The following WDR86 variants were observed in gnomAD, a reference collection of about 807,000 sequenced individuals.
The protein encoded by WDR86 is WD repeat domain 86.
WDR86 carries 30 observed loss-of-function variants against 36.5 expected under a neutral mutation model. The observed-to-expected ratio is 0.82, with a 90% CI of 0.61 to 1.11. The LOEUF is 1.11. Among genes scored for constraint, WDR86 ranks in the 50% most tolerant of loss-of-function variants. The pLI, the probability that WDR86 is intolerant of heterozygous loss-of-function variation, is 0.00. For missense variants in WDR86, 545 were observed against 561.2 expected (o/e 0.97, Z 0.29); for synonymous variants, 255 against 252.9 (o/e 1.01, Z -0.08).
At chr7:151,386,446 T>C (rs1472309411) in intron 3 of WDR86, among the ~76,000 whole-genome samples, 1 of 152,138 alleles carries the variant, frequency 6.6e-6, no homozygotes, top group Non-Finnish European at 1.5e-5. Context: ...CTGTGGACAG[T>C]CACCTGCCCT....
chr7:151,376,396 G>A (rs1033976658), downstream of WDR86: 15 of 530,044 alleles, frequency 2.8e-5, no homozygotes, highest in African/African-American at 1.5e-4. Context: ...CTCTCAGCCC[G>A]AGGTCACTGC....
At position 151,396,008 on chromosome 7, in the gene WDR86, A is replaced by G. The variant is rs1410622274; in HGVS notation, c.494T>C (p.Leu165Pro). Residue 165 changes from leucine to proline, a missense_variant, in exon 3 of 6, where the codon CTT becomes CCT. Physicochemically the swap from Leu to Pro is moderately conservative, Grantham distance 98. Coordinates refer to ENST00000334493, the MANE Select transcript of WDR86 (RefSeq NM_198285.3). ...GCCATCTGTGCTGCCGGTCACCAGA[A>G]GCCCCCCGGCCGCGGCCTCCTCCGC... ...PCAEEAAAGG[L>P]LVTGSTDGTA... 1.2e-6 allele frequency: 2 copies of G among 1,602,116 alleles called. No homozygotes were observed. Among genetic ancestry groups the G allele is most frequent in the Non-Finnish European group, 1.7e-6 (2 of 1,174,956 alleles).
chr7:151,385,049 G>T (rs775697397), intron 4 of WDR86, 39 bp downstream of exon 4: 1 of 1,546,316 alleles, frequency 6.5e-7, no homozygotes, highest in East Asian at 2.3e-5. Context: ...GAGAAGCCAG[G>T]CTGGGGTGGC....
rs531745202 is a variant in WDR86 at position 151,403,401 on chromosome 7, A to G, written c.164-3160T>C. ...TACTTATTACATTAAGAATTTTGAT[A>G]GAATTTTAAAATTTCATTTAGACAG... On this transcript the variant is annotated intron_variant, in intron 1 of 5. Coordinates refer to ENST00000334493, the MANE Select transcript of WDR86 (RefSeq NM_198285.3). Among the ~76,000 whole-genome samples the G allele has an allele frequency of 3.3e-5, 5 of 152,344 alleles. No individual in the cohort carries two copies. The South Asian group carries it at 1.0e-3, about 32-fold the overall frequency.
chr7:151,381,351 G>T lies in WDR86; in HGVS notation c.*231C>A. On this transcript the variant is annotated 3_prime_UTR_variant, in exon 6 of 6. Coordinates refer to ENST00000334493, the MANE Select transcript of WDR86 (RefSeq NM_198285.3). This position sits in a 1 kb window ranked among gnomAD's most constrained non-coding sequence, Gnocchi z 4.8. ...GGTCAGGGATGGGGAGGGAGGACAGGAGCCACCCTAAAAGGGAAAAGGGGG... is the reference window on the plus strand; with the variant it reads ...GGTCAGGGATGGGGAGGGAGGACAGTAGCCACCCTAAAAGGGAAAAGGGGG... 1 of 1,408,254 alleles carries T rather than the reference G, an allele frequency of 7.1e-7. No homozygotes were observed. Among genetic ancestry groups the T allele is most frequent in the Non-Finnish European group, 9.2e-7 (1 of 1,090,598 alleles). 87.2% of individuals were successfully genotyped at this position (1,408,254 alleles called of 1,614,324 possible).
At position 151,401,016 on chromosome 7, in the gene WDR86, C is replaced by G. The variant is rs896228692; in HGVS notation, c.164-775G>C. On this transcript the variant is annotated intron_variant, in intron 1 of 5. Coordinates refer to ENST00000334493, the MANE Select transcript of WDR86 (RefSeq NM_198285.3). This position sits in a 1 kb window ranked among gnomAD's most constrained non-coding sequence, Gnocchi z 4.3. ...GCCAGTGAGACATGTGACGTATGAA[C>G]AGGGATGCACAGCCACTGTGCATGA... Among the ~76,000 whole-genome samples, 13 of 152,176 alleles carry G rather than the reference C, an allele frequency of 8.5e-5. No homozygotes were observed. The highest frequency in any genetic ancestry group is 3.1e-4 in the African/African-American group (13 of 41,432).
rs191375036 is a variant in WDR86 at position 151,385,366 on chromosome 7, C to T, written c.727-143G>A. The T allele has an allele frequency of 1.2e-5, 17 of 1,403,574 alleles. No homozygotes were observed. The African/African-American group carries it at 2.0e-4, about 16-fold the overall frequency. The allele number at this position is 1,403,574 out of a possible 1,614,324, so 86.9% of individuals were successfully genotyped here. On this transcript the variant is annotated intron_variant, in intron 3 of 5. Transcript: ENST00000334493. ...CCTCGAATGGCCCCGCCACCGGCCCCACCAGACTGCCCACTTCAGCACCCA... is the reference window on the plus strand; with the variant it reads ...CCTCGAATGGCCCCGCCACCGGCCCTACCAGACTGCCCACTTCAGCACCCA...
At chr7:151,382,819 G>A (rs1290247834) in intron 4 of WDR86, among the ~76,000 whole-genome samples, 1 of 152,162 alleles carries the variant, frequency 6.6e-6, no homozygotes, top group Non-Finnish European at 1.5e-5. Flanking sequence ...AAGGGAGGGA[G>A]GAAGTCCTGT....
At chr7:151,381,013 G>A (rs751563083), downstream of WDR86, 1 of 459,272 alleles carries the variant, frequency 2.2e-6, no homozygotes, top group Non-Finnish European at 3.1e-6. The surrounding 1 kb of genome is among the most constrained non-coding windows in gnomAD (Gnocchi z 4.8). Flanking sequence ...TGCCCAGGCC[G>A]GTTGTGAGAG....
At chr7:151,375,753 G>A (rs1016666903), downstream of WDR86, 3 of 803,356 alleles carry the variant, frequency 3.7e-6, no homozygotes, top group South Asian at 1.4e-5. Flanking sequence ...AGCAGAGGAC[G>A]GCGGGGTCTG....
chr7:151,405,790 G>A lies in WDR86; in HGVS notation c.163+3637C>T, dbSNP rs546224886. Among the ~76,000 whole-genome samples, 7 of 152,264 alleles carry A rather than the reference G, an allele frequency of 4.6e-5. No individual in the cohort carries two copies. The East Asian group carries it at 1.4e-3, about 29-fold the overall frequency. On this transcript the variant is annotated intron_variant, in intron 1 of 5. Transcript: ENST00000334493. This position sits in a 1 kb window ranked among gnomAD's most constrained non-coding sequence, Gnocchi z 4.7. ...CCAGGCTTCACAGGGAGTCTCCTAT[G>A]CCACCGGCTCCCAGCAAATGGGAAT...
intron 1 of WDR86, among the ~76,000 whole-genome samples, chr7:151,407,069 G>A (rs896829569): frequency 6.6e-6 from 1 of 152,328 alleles, no homozygotes; most frequent in East Asian, 1.9e-4. Flanking sequence ...GATAAAGAAA[G>A]ATGACCTCTG....
chr7:151,386,473 T>G (rs1237054733), intron 3 of WDR86, among the ~76,000 whole-genome samples: 1 of 152,118 alleles, frequency 6.6e-6, no homozygotes, highest in Non-Finnish European at 1.5e-5. Flanking sequence ...GGCCCTGCCC[T>G]GAAGTCCTGC....
At chr7:151,383,268 G>T (rs1000872375) in intron 4 of WDR86, among the ~76,000 whole-genome samples, 1 of 152,054 alleles carries the variant, frequency 6.6e-6, no homozygotes, top group Non-Finnish European at 1.5e-5. Flanking sequence ...GAGATCAGGG[G>T]TTTGAGACCA....
At chr7:151,375,475 C>A (rs114000471), downstream of WDR86, among the ~76,000 whole-genome samples, 152 of 152,306 alleles carry the variant, frequency 1.0e-3, no homozygotes, top group African/African-American at 3.5e-3. Context: ...TACTACCTGC[C>A]TGACATTTTA....
intron 1 of WDR86, among the ~76,000 whole-genome samples, chr7:151,404,742 A>G (rs1800586927): frequency 6.6e-6 from 1 of 152,258 alleles, no homozygotes; most frequent in African/African-American, 2.4e-5. Flanking sequence ...GAACATGCTG[A>G]GGCTGACGGT....
chr7:151,395,660 C>T (rs983030973), intron 3 of WDR86, 116 bp downstream of exon 3: 2 of 1,280,174 alleles, frequency 1.6e-6, no homozygotes, highest in African/African-American at 1.5e-5. Flanking sequence ...GCTTGCCAGG[C>T]CCCCATCTGC....
In WDR86 at chr7:151,402,091, A is replaced by ATATATATATATATATATCTC. The variant is rs1365492180; in HGVS notation, c.164-1851_164-1850insGAGATATATATATATATATA. 1.2e-4 allele frequency among the ~76,000 whole-genome samples: 15 copies of ATATATATATATATATATCTC among 124,138 alleles called. 1 individual carries two copies. Among genetic ancestry groups the ATATATATATATATATATCTC allele is most frequent in the African/African-American group, 4.9e-4 (15 of 30,774 alleles). The allele number at this position is 124,138 out of a possible 152,430, so 81.4% of individuals were successfully genotyped here. A position where few individuals can be genotyped will look rare whatever the true frequency, so the allele number is the denominator to read the frequency against. ...AAAAAATATATATATATATATATAT[A>ATATATATATATATATATCTC]TCTCCACAAATGTCCTTACAAGAGA... is the stretch of plus-strand genomic sequence containing the variant. On this transcript the variant is annotated intron_variant, in intron 1 of 5. Transcript: ENST00000334493.
In WDR86 at chr7:151,388,503, G is replaced by T. The variant is rs1247561109; in HGVS notation, c.727-3280C>A. ...GTGCCCCCTGGCTTTTTGACCTTGG[G>T]TTTGTCGCTTAGAAGCAGGTCCTCA... On this transcript the variant is annotated intron_variant, in intron 3 of 5. Coordinates refer to ENST00000334493, the MANE Select transcript of WDR86 (RefSeq NM_198285.3). The surrounding 1 kb of genome is among the most constrained non-coding windows in gnomAD (Gnocchi z 4.2). 6.6e-6 allele frequency among the ~76,000 whole-genome samples: 1 copy of T among 152,108 alleles called. No individual in the cohort carries two copies. Among genetic ancestry groups the T allele is most frequent in the Non-Finnish European group, 1.5e-5 (1 of 68,002 alleles).
Sources: allele counts gnomAD v4.1 joint callset (sites outside exome capture counted in the v4.1 genomes callset), GRCh38; gene constraint gnomAD v4.1.1; non-coding constraint Gnocchi (gnomAD v3.1); transcripts MANE v1.5; gene names NCBI Gene and HGNC (gene_info 2026-07-23, HGNC 2026-07-21).